The following ATF6 variants were observed in gnomAD, a reference collection of about 807,000 sequenced individuals.
The protein encoded by ATF6 is cyclic AMP-dependent transcription factor ATF-6 alpha.
Under a neutral mutation model 83.6 loss-of-function variants are expected in ATF6, and 53 were observed. The observed-to-expected ratio is 0.63, with a 90% confidence interval of 0.51 to 0.80. The LOEUF (loss-of-function observed/expected upper bound fraction) is 0.80, where lower values mean the gene tolerates loss of function less well. Ranked by LOEUF, ATF6 falls within the 30% of genes least tolerant of loss-of-function variation. The pLI is 0.00. For synonymous variants in ATF6, 288 were observed against 285.8 expected (o/e 1.01, Z -0.08); for missense variants, 744 against 797.9 (o/e 0.93, Z 0.81).
At chr1:161,797,103 A>G (rs1685039220) in intron 6 of ATF6, among the ~76,000 whole-genome samples, 3 of 152,102 alleles carry the variant, frequency 2.0e-5, no homozygotes, top group Admixed American at 2.0e-4. Context: ...TCTGCATTTT[A>G]TATGTTTTTA....
chr1:161,851,713 A>T lies in ATF6; in HGVS notation c.1320-9A>T. 1.3e-6 allele frequency: 2 copies of T among 1,596,390 alleles called. No homozygotes were observed. The highest frequency in any genetic ancestry group is 2.2e-5 in the South Asian group (2 of 89,432). On this transcript the variant is annotated splice_polypyrimidine_tract_variant and intron_variant, in intron 10 of 15. Transcript: ENST00000367942. ...ACAAGGAAACAAATTTTGTGCATCC[A>T]TGTTTCAGATATGATCATTCTGTTT...
intron 7 of ATF6, among the ~76,000 whole-genome samples, chr1:161,814,228 A>G (rs1257008908): frequency 3.3e-5 from 5 of 152,182 alleles, no homozygotes; most frequent in African/African-American, 1.2e-4. Context: ...GGAGTCATTA[A>G]CTGAAATAAC....
chr1:161,796,019 A>G (rs1254696870), intron 6 of ATF6, among the ~76,000 whole-genome samples: 1 of 152,170 alleles, frequency 6.6e-6, no homozygotes, highest in Non-Finnish European at 1.5e-5. Flanking sequence ...TATGGGAAAA[A>G]AAGGAAGCAG....
chr1:161,826,072 C>T (rs1436272979), intron 9 of ATF6, among the ~76,000 whole-genome samples: 3 of 152,150 alleles, frequency 2.0e-5, no homozygotes, highest in Admixed American at 6.5e-5. Flanking sequence ...CTTATTATAT[C>T]GCAAATTCAC....
intron 12 of ATF6, among the ~76,000 whole-genome samples, chr1:161,859,767 A>T (rs1571196162): frequency 6.6e-6 from 1 of 152,188 alleles, no homozygotes; most frequent in African/African-American, 2.4e-5. Context: ...GGCTTAGTTC[A>T]TAGATGTATT....
chr1:161,812,210 AACAG>A (rs1685482535), intron 7 of ATF6, among the ~76,000 whole-genome samples: 1 of 152,054 alleles, frequency 6.6e-6, no homozygotes, highest in African/African-American at 2.4e-5. Flanking sequence ...CAGAGTAAGG[AACAG>A]ACAGAGTGCT....
chr1:161,881,453 G>A (rs578102194), intron 14 of ATF6, among the ~76,000 whole-genome samples: 1 of 152,226 alleles, frequency 6.6e-6, no homozygotes, highest in African/African-American at 2.4e-5. Flanking sequence ...CTCACAACAT[G>A]ACAACTTGCT....
At chr1:161,863,916 T>G (rs975050559) in intron 14 of ATF6, among the ~76,000 whole-genome samples, 1 of 152,242 alleles carries the variant, frequency 6.6e-6, no homozygotes, top group Non-Finnish European at 1.5e-5. Context: ...AATGCATAGC[T>G]GTTTATATTT....
chr1:161,780,442 C>T (rs1477815736), intron 2 of ATF6, among the ~76,000 whole-genome samples: 2 of 148,536 alleles, frequency 1.3e-5, no homozygotes, highest in Non-Finnish European at 3.0e-5. Context: ...GGCGCAATCT[C>T]GGCTCACTGT....
chr1:161,804,974 G>A (rs16847602), intron 7 of ATF6, among the ~76,000 whole-genome samples: 21,964 of 151,834 alleles, frequency 0.14, 2,163 homozygotes, highest in East Asian at 0.31. Context: ...TCAAGAGTAT[G>A]TCACTGCTAA....
At chr1:161,951,271 G>T (rs1043638473) in intron 15 of ATF6, among the ~76,000 whole-genome samples, 1 of 152,194 alleles carries the variant, frequency 6.6e-6, no homozygotes, top group Non-Finnish European at 1.5e-5. Flanking sequence ...TTGTGTTTTA[G>T]GGACAAGGTC....
rs974964658 is a variant in ATF6 at position 161,959,539 on chromosome 1, G to T, written c.*885G>T. 6.6e-6 allele frequency: 1 copy of T among 151,970 alleles called. No homozygotes were observed. The highest frequency in any genetic ancestry group is 1.9e-4 in the East Asian group (1 of 5,176). The allele number at this position is 151,970 out of a possible 1,614,324, so 9.4% of individuals were successfully genotyped here. A position where few individuals can be genotyped will look rare whatever the true frequency, so the allele number is the denominator to read the frequency against. On this transcript the variant is annotated 3_prime_UTR_variant, in exon 16 of 16. Transcript: ENST00000367942. ...CAAAAAATTAGCCGGGCGTAGTGAC[G>T]GGCGCCTGTAGTCCCAGCTACTTGG... is the stretch of plus-strand genomic sequence containing the variant.
intron 9 of ATF6, among the ~76,000 whole-genome samples, chr1:161,830,316 G>C (rs962370188): frequency 6.6e-6 from 1 of 152,102 alleles, no homozygotes; most frequent in Non-Finnish European, 1.5e-5. Flanking sequence ...ACAAATGGAA[G>C]AACATTCCAT....
At chr1:161,900,663 T>A (rs1687765560) in intron 14 of ATF6, among the ~76,000 whole-genome samples, 1 of 152,132 alleles carries the variant, frequency 6.6e-6, no homozygotes, top group African/African-American at 2.4e-5. Flanking sequence ...ATTAAAGTAG[T>A]TTATTTAAAG....
chr1:161,817,493 A>G (rs903006136), intron 7 of ATF6, among the ~76,000 whole-genome samples: 1 of 152,092 alleles, frequency 6.6e-6, no homozygotes. Flanking sequence ...TGGCTTTGCC[A>G]TTGCTCTTTG....
chr1:161,885,776 G>A (rs1687406393), intron 14 of ATF6, among the ~76,000 whole-genome samples: 1 of 152,082 alleles, frequency 6.6e-6, no homozygotes, highest in Non-Finnish European at 1.5e-5. Context: ...ACGGTATAAA[G>A]ACAAATAAGC....
At chr1:161,908,317 C>G (rs1238702466) in intron 14 of ATF6, among the ~76,000 whole-genome samples, 1 of 152,150 alleles carries the variant, frequency 6.6e-6, no homozygotes, top group Non-Finnish European at 1.5e-5. Context: ...ATAAGCCAGT[C>G]TCCAATGCTT....
Position 161,777,969 on chromosome 1 carries a change from A to T in ATF6, c.83-275A>T, listed in dbSNP as rs181055493. Reference sequence around the variant, plus strand: ...TCAGAATTCTTGTTAGTAATGTTCCATAAAGCCACTACCAATTAGTCTTAC... The same window carrying T: ...TCAGAATTCTTGTTAGTAATGTTCCTTAAAGCCACTACCAATTAGTCTTAC... On this transcript the variant is annotated intron_variant, in intron 1 of 15. Coordinates refer to ENST00000367942, the MANE Select transcript of ATF6 (RefSeq NM_007348.4). Among the ~76,000 whole-genome samples, 9 of 152,342 alleles carry T rather than the reference A, an allele frequency of 5.9e-5. No homozygotes were observed. The South Asian group carries it at 1.2e-3, about 21-fold the overall frequency.
intron 15 of ATF6, among the ~76,000 whole-genome samples, chr1:161,943,803 C>T (rs1688697433): frequency 6.6e-6 from 1 of 152,178 alleles, no homozygotes; most frequent in Non-Finnish European, 1.5e-5. Flanking sequence ...CAGTCTAGCC[C>T]CTAACATGTC....
Sources: gnomAD v4.1 joint callset for allele counts (sites outside exome capture counted in the v4.1 genomes callset) on GRCh38, gnomAD v4.1.1 for gene constraint, MANE v1.5 for transcripts, NCBI Gene and HGNC (gene_info 2026-07-23, HGNC 2026-07-21) for gene names.